Variants in SRSF7 observed in about 807,000 individuals in gnomAD.
SRSF7 encodes the protein serine and arginine rich splicing factor 7.
SRSF7 carries 15 observed loss-of-function variants against 42.2 expected under a neutral mutation model. The ratio of observed to expected loss-of-function variants is 0.36; its 90% confidence interval spans 0.24 to 0.55. The LOEUF (loss-of-function observed/expected upper bound fraction) is 0.55, where lower values mean the gene tolerates loss of function less well. SRSF7 is among the 20% of genes least tolerant of loss of function. The pLI, the probability that SRSF7 is intolerant of heterozygous loss-of-function variation, is 0.88. For synonymous variants in SRSF7, 138 were observed against 107.9 expected, an observed-to-expected ratio of 1.28 and a Z score of -1.73; for missense variants, 181 against 305.9, an observed-to-expected ratio of 0.59 and a Z score of 3.04.
intron 5 of SRSF7, chr2:38,747,008 G>C: frequency 3.1e-6 from 2 of 639,192 alleles, no homozygotes; most frequent in Non-Finnish European, 5.8e-6. Context: ...TAATATCCAA[G>C]GGAAATACAT....
Position 38,744,820 on chromosome 2 carries a change from G to T in SRSF7, c.*313C>A. The T allele has an allele frequency of 3.6e-6, 1 of 280,948 alleles. No individual in the cohort carries two copies. The highest frequency in any genetic ancestry group is 6.7e-6 in the Non-Finnish European group (1 of 149,774). 17.4% of individuals were successfully genotyped at this position (280,948 alleles called of 1,614,324 possible). On this transcript the variant is annotated 3_prime_UTR_variant, in exon 8 of 8. Transcript: ENST00000313117. ...TCTGAATGTAGGTATGTATGAATAA[G>T]GTTAACAATTATAATGTCTGACTCT...
rs565045592 is a variant in SRSF7 at position 38,745,245 on chromosome 2, C to T, written c.663-58G>A. 5.9e-5 allele frequency: 93 copies of T among 1,569,028 alleles called. 1 individual carries two copies. In the South Asian group the frequency reaches 9.4e-4, roughly 16 times the overall value. On this transcript the variant is annotated intron_variant, in intron 7 of 7. Transcript: ENST00000313117. ...TAGTGTCAATTGAAACTCTCATGTA[C>T]ATGTACTAACTTTCAATAACTTCAA...
intron 4 of SRSF7, 106 bp from the exon 5 acceptor site, chr2:38,748,263 C>CTGCG (rs1667779117): frequency 1.2e-6 from 1 of 824,514 alleles, no homozygotes; most frequent in Middle Eastern, 2.6e-4. Context: ...AATCCCAGCA[C>CTGCG]TGCGGGAGGA....
intron 2 of SRSF7, 24 bp from the exon 3 acceptor site, chr2:38,749,729 T>G (rs761980318): frequency 6.6e-7 from 1 of 1,517,662 alleles, no homozygotes; most frequent in South Asian, 1.3e-5. Context: ...ATTAACAAAA[T>G]TCTAAAGTTA....
rs745707819 is a variant in SRSF7 at position 38,749,478 on chromosome 2, G to T, written c.386+51C>A. The T allele has an allele frequency of 5.8e-6, 9 of 1,543,714 alleles. No individual in the cohort carries two copies. In the Admixed American group the frequency reaches 1.5e-4, roughly 25 times the overall value. ...ACTAGTTTCTGCCTTGCTAATAAAA[G>T]AATTACTTGATTAACTAGAATACCA... On this transcript the variant is annotated intron_variant, in intron 3 of 7. Coordinates refer to ENST00000313117, the MANE Select transcript of SRSF7 (RefSeq NM_001031684.3).
chr2:38,746,370 AT>A (rs1667413628), intron 6 of SRSF7, among the ~76,000 whole-genome samples, 191 bp from the exon 7 acceptor site: 1 of 152,192 alleles, frequency 6.6e-6, no homozygotes, highest in Non-Finnish European at 1.5e-5. Flanking sequence ...AAATGACTCA[AT>A]TACTACATCA....
At position 38,749,522 on chromosome 2, in the gene SRSF7, T is replaced by G. The variant is rs1413735681; in HGVS notation, c.386+7A>C. The G allele has an allele frequency of 6.4e-7, 1 of 1,555,466 alleles. No homozygotes were observed. The highest frequency in any genetic ancestry group is 8.7e-7 in the Non-Finnish European group (1 of 1,153,132). On this transcript the variant is annotated splice_region_variant and intron_variant, in intron 3 of 7. Transcript: ENST00000313117. ...AATACCAACCATTCCTTTATTAAAA[T>G]AAATACCTGCTTCTTCTTCGCCGGC... is the stretch of plus-strand genomic sequence containing the variant.
intron 2 of SRSF7, 75 bp from the exon 3 acceptor site, chr2:38,749,780 C>G: frequency 7.1e-7 from 1 of 1,418,250 alleles, no homozygotes; most frequent in Non-Finnish European, 9.3e-7. Context: ...AGAACTCTTT[C>G]CAACCACTCA....
intron 7 of SRSF7, 147 bp from the exon 8 acceptor site, chr2:38,745,334 T>G: frequency 2.4e-6 from 2 of 826,616 alleles, no homozygotes; most frequent in Non-Finnish European, 3.9e-6. Context: ...CTTACATATA[T>G]TCATCTTTTG....
rs745622849 is a variant in SRSF7, at chr2:38,746,138, G to T, written c.662+6C>A. 2.5e-6 allele frequency: 4 copies of T among 1,614,154 alleles called. No individual in the cohort carries two copies. Among genetic ancestry groups the T allele is most frequent in the Non-Finnish European group, 3.4e-6 (4 of 1,180,010 alleles). Reference sequence around the variant, plus strand: ...GCAAGATTTGGCAACAAAACATTTAGCTTACCTTCTTTTTGGAGATGGAGA... The same window carrying T: ...GCAAGATTTGGCAACAAAACATTTATCTTACCTTCTTTTTGGAGATGGAGA... On this transcript the variant is annotated splice_donor_region_variant and intron_variant, in intron 7 of 7. Transcript: ENST00000313117.
At chr2:38,748,519 G>A in intron 4 of SRSF7, 60 bp downstream of exon 4, 1 of 1,537,756 alleles carries the variant, frequency 6.5e-7, no homozygotes, top group Non-Finnish European at 9.0e-7. Context: ...CTTTTTCTGT[G>A]TTGGACTACC....
chr2:38,744,362 A>T lies in SRSF7; in HGVS notation c.*771T>A. 9.8e-4 allele frequency: 150 copies of T among 152,692 alleles called. No individual in the cohort carries two copies. The highest frequency in any genetic ancestry group is 3.4e-3 in the African/African-American group (142 of 41,546). The allele number at this position is 152,692 out of a possible 1,614,324, so 9.5% of individuals were successfully genotyped here. On this transcript the variant is annotated 3_prime_UTR_variant, in exon 8 of 8. Transcript: ENST00000313117. ...TCCTCAAACATGCATTTTTTGGTAT[A>T]AAACTGGTTAACTAATGTAGAAAGC...
At chr2:38,745,276 G>A in intron 7 of SRSF7, 89 bp from the exon 8 acceptor site, 9 of 1,368,226 alleles carry the variant, frequency 6.6e-6, no homozygotes, top group Non-Finnish European at 9.3e-6. Flanking sequence ...TTCAAAGGTG[G>A]CCTAAGGTAC....
At chr2:38,747,810 C>G (rs1667696988) in intron 5 of SRSF7, among the ~76,000 whole-genome samples, 2 of 152,192 alleles carry the variant, frequency 1.3e-5, no homozygotes, top group African/African-American at 4.8e-5. Flanking sequence ...TTGAGTAGAA[C>G]TGTATTGCTT....
At chr2:38,745,829 C>CT (rs1239414618) in intron 7 of SRSF7, among the ~76,000 whole-genome samples, 1 of 152,144 alleles carries the variant, frequency 6.6e-6, no homozygotes, top group Admixed American at 6.5e-5. Flanking sequence ...ATTTCCAAGA[C>CT]TTTTCTCCAC....
At position 38,745,115 on chromosome 2, in the gene SRSF7, A is replaced by C; in HGVS notation, c.*18T>G. ...TGTAAACAAAATAACTTTTCCCTAA[A>C]GGGTGAACTTGAGAGCTTCAGTCCA... On this transcript the variant is annotated 3_prime_UTR_variant, in exon 8 of 8. Transcript: ENST00000313117. 2 of 1,613,698 alleles carry C rather than the reference A, an allele frequency of 1.2e-6. No individual in the cohort carries two copies. The highest frequency in any genetic ancestry group is 1.7e-6 in the Non-Finnish European group (2 of 1,179,722).
chr2:38,743,680 A>C lies in SRSF7; in HGVS notation c.*1453T>G. On this transcript the variant is annotated 3_prime_UTR_variant, in exon 8 of 8. Transcript: ENST00000313117. ...AGAACAATTAAAGCTAACCAAGTGC[A>C]ACAGATAAATAAGCCTGCCAGTTAT... The C allele has an allele frequency of 1.3e-5, 2 of 152,684 alleles. No homozygotes were observed. The highest frequency in any genetic ancestry group is 2.9e-5 in the Non-Finnish European group (2 of 68,050). The allele number at this position is 152,684 out of a possible 1,614,324, so 9.5% of individuals were successfully genotyped here. A position where few individuals can be genotyped will look rare whatever the true frequency, so the allele number is the denominator to read the frequency against.
intron 2 of SRSF7, 118 bp from the exon 3 acceptor site, chr2:38,749,823 C>G: frequency 7.7e-7 from 1 of 1,303,912 alleles, no homozygotes; most frequent in Non-Finnish European, 1.0e-6. Flanking sequence ...CCCCAACAAA[C>G]TTTGGCGGTC....
chr2:38,748,228 G>C (rs987138293), intron 4 of SRSF7, 71 bp from the exon 5 acceptor site: 2 of 1,165,552 alleles, frequency 1.7e-6, no homozygotes, highest in Non-Finnish European at 2.5e-6. Context: ...TTCAACTGGG[G>C]AACGGTGCAG....
Sources: allele counts gnomAD v4.1 joint callset (sites outside exome capture counted in the v4.1 genomes callset), GRCh38; gene constraint gnomAD v4.1.1; transcripts MANE v1.5; gene names NCBI Gene and HGNC (gene_info 2026-07-23, HGNC 2026-07-21).